ZNF331: variants seen among roughly 807,000 people sequenced by gnomAD.
ZNF331 encodes zinc finger protein 331.
Under a neutral mutation model 7.0 loss-of-function variants are expected in ZNF331, and 2 were observed. The observed-to-expected ratio is 0.29, with a 90% CI of 0.12 to 0.90. ZNF331 has a LOEUF of 0.90. ZNF331 is among the 40% of genes least tolerant of loss of function. The probability of loss-of-function intolerance (pLI) is 0.58; values close to 1 mark genes in which losing one functional copy is unlikely to be tolerated. For synonymous variants in ZNF331, 196 were observed against 205.4 expected (o/e 0.95, Z 0.39); for missense variants, 432 against 587.7 (o/e 0.74, Z 2.74).
intron 3 of ZNF331, among the ~76,000 whole-genome samples, chr19:53,567,331 T>C (rs1463688282): frequency 6.6e-6 from 1 of 152,132 alleles, no homozygotes; most frequent in Non-Finnish European, 1.5e-5. Flanking sequence ...GTTTGGATAA[T>C]ACAGCCCCTG....
At position 53,553,330 on chromosome 19, in the gene ZNF331, A is replaced by G. The variant is rs150492489; in HGVS notation, c.-137-2515A>G. The stretch of plus-strand genomic sequence containing the variant: ...AAAAAATTAGTGTCTTGAAATTTGC[A>G]TAACATCAATGGATGATGTCATTGT... On this transcript the variant is annotated intron_variant, in intron 2 of 5. Coordinates refer to ENST00000449416, the MANE Select transcript of ZNF331 (RefSeq NM_001079906.2). Among the ~76,000 whole-genome samples the G allele has an allele frequency of 3.5e-3, 537 of 152,100 alleles. 4 individuals carry two copies. The highest frequency in any genetic ancestry group is 0.013 in the African/African-American group (520 of 41,502).
At chr19:53,574,505 G>C (rs1331085258) in intron 5 of ZNF331, among the ~76,000 whole-genome samples, 4 of 150,330 alleles carry the variant, frequency 2.7e-5, no homozygotes, top group African/African-American at 9.9e-5. Flanking sequence ...CCCATTTTAT[G>C]TGCTGCTGGT....
At chr19:53,530,976 A>G (rs1203815786) in intron 2 of ZNF331, among the ~76,000 whole-genome samples, 2 of 152,090 alleles carry the variant, frequency 1.3e-5, no homozygotes, top group Non-Finnish European at 2.9e-5. Flanking sequence ...GACCCCAGGA[A>G]TCTCTGAAAC....
At chr19:53,531,419 T>C (rs116409589) in intron 2 of ZNF331, among the ~76,000 whole-genome samples, 350 of 152,316 alleles carry the variant, frequency 2.3e-3, no homozygotes, top group African/African-American at 8.1e-3. Flanking sequence ...TAGCTTTTTC[T>C]GTGTGCTCTG....
chr19:53,570,541 T>G (rs1352626775), intron 4 of ZNF331, among the ~76,000 whole-genome samples: 2 of 152,120 alleles, frequency 1.3e-5, no homozygotes, highest in Non-Finnish European at 2.9e-5. Flanking sequence ...TTTTCTTTTT[T>G]TTTTTCTTGG....
chr19:53,524,188 A>C (rs960551584), intron 2 of ZNF331, among the ~76,000 whole-genome samples: 2 of 152,194 alleles, frequency 1.3e-5, no homozygotes, highest in Non-Finnish European at 2.9e-5. Context: ...GTTGGTTCCA[A>C]GTCTTTGCTA....
At chr19:53,544,349 T>A (rs1317181881) in intron 2 of ZNF331, among the ~76,000 whole-genome samples, 1 of 150,704 alleles carries the variant, frequency 6.6e-6, no homozygotes, top group Admixed American at 6.6e-5. Context: ...ATGGAGACCA[T>A]CCTGGCTAAC....
At chr19:53,548,573 C>T (rs1392798782) in intron 2 of ZNF331, among the ~76,000 whole-genome samples, 1 of 152,146 alleles carries the variant, frequency 6.6e-6, no homozygotes, top group African/African-American at 2.4e-5. Flanking sequence ...TGGATATTAA[C>T]CCCTTATCAG....
At chr19:53,568,923 C>T (rs950837366) in intron 3 of ZNF331, among the ~76,000 whole-genome samples, 2 of 138,792 alleles carry the variant, frequency 1.4e-5, no homozygotes, top group Middle Eastern at 4.6e-3. Flanking sequence ...GTGACGCAAT[C>T]TCAGCTCACT....
At chr19:53,569,198 A>G (rs1219684895) in intron 3 of ZNF331, 106 bp from the exon 4 acceptor site, 1 of 618,478 alleles carries the variant, frequency 1.6e-6, no homozygotes, top group Non-Finnish European at 2.9e-6. Context: ...TGTCACGGTT[A>G]TGTGTTTGTG....
chr19:53,534,554 G>A (rs2087667251), upstream of ZNF331, among the ~76,000 whole-genome samples: 3 of 152,046 alleles, frequency 2.0e-5, no homozygotes, highest in Admixed American at 2.0e-4. Context: ...CCCAAATGCT[G>A]GGATTACAGG....
At chr19:53,551,933 A>G (rs1325704427) in intron 2 of ZNF331, among the ~76,000 whole-genome samples, 1 of 152,210 alleles carries the variant, frequency 6.6e-6, no homozygotes, top group Non-Finnish European at 1.5e-5. Flanking sequence ...ATGGCTCTAC[A>G]GCCTTTCAGA....
chr19:53,565,266 GATA>G (rs762544861), intron 3 of ZNF331, among the ~76,000 whole-genome samples: 3 of 152,228 alleles, frequency 2.0e-5, no homozygotes, highest in Non-Finnish European at 2.9e-5. Flanking sequence ...GACAGCCACT[GATA>G]ATTCATGACC....
At chr19:53,504,609 G>A in the ZNF331 span, among the ~76,000 whole-genome samples, 1 of 152,146 alleles carries the variant, frequency 6.6e-6, no homozygotes, top group Non-Finnish European at 1.5e-5. Context: ...GTAGACGGGG[G>A]GAATGTGCGC....
the ZNF331 span, among the ~76,000 whole-genome samples, chr19:53,506,935 C>A: frequency 6.6e-6 from 1 of 152,042 alleles, no homozygotes; most frequent in Non-Finnish European, 1.5e-5. Context: ...CTCTGATGTC[C>A]CAAATCCTCA....
the ZNF331 span, among the ~76,000 whole-genome samples, chr19:53,513,391 CAT>C: frequency 5.3e-5 from 8 of 152,092 alleles, no homozygotes; most frequent in African/African-American, 1.9e-4. Context: ...TTTTAATTCT[CAT>C]ATTGTTTTGA....
intron 5 of ZNF331, among the ~76,000 whole-genome samples, chr19:53,572,856 C>T (rs1241011569): frequency 2.0e-5 from 3 of 152,062 alleles, no homozygotes; most frequent in Non-Finnish European, 4.4e-5. Context: ...TTTTGGTCCC[C>T]AGATTCCTTG....
rs1476759512 is a variant in ZNF331 at position 53,563,237 on chromosome 19, A to G, written c.-73-6067A>G. Among the ~76,000 whole-genome samples, 82 of 151,742 alleles carry G rather than the reference A, an allele frequency of 5.4e-4. 1 individual carries two copies. Among genetic ancestry groups the G allele is most frequent in the Admixed American group, 5.3e-3 (81 of 15,220 alleles). ...CAAGAAGCTGGTATTACAGGCTTGT[A>G]CCACCACACTCAGCTAATTTTTGTA... On this transcript the variant is annotated intron_variant, in intron 3 of 5. Transcript: ENST00000449416.
intron 2 of ZNF331, among the ~76,000 whole-genome samples, chr19:53,546,140 GAAAAAA>G (rs527391326): frequency 0.031 from 3,477 of 113,512 alleles, 181 homozygotes; most frequent in African/African-American, 0.097. Context: ...TCCTGAGGGG[GAAAAAA>G]AAAAAAAAAA....
Sources: allele counts gnomAD v4.1 joint callset (sites outside exome capture counted in the v4.1 genomes callset), GRCh38; gene constraint gnomAD v4.1.1; transcripts MANE v1.5; gene names NCBI Gene and HGNC (gene_info 2026-07-23, HGNC 2026-07-21).